Variants in AP3M1 observed in about 807,000 individuals in gnomAD.
The protein encoded by AP3M1 is AP-3 complex subunit mu-1.
Under a neutral mutation model 42.6 loss-of-function variants are expected in AP3M1, and 29 were observed. That is an observed-to-expected ratio of 0.68 (90% CI 0.51 to 0.93). AP3M1 has a LOEUF of 0.93. Among genes scored for constraint, AP3M1 ranks in the 40% least tolerant of loss-of-function variants. The pLI is 0.00. For synonymous variants in AP3M1, 178 were observed against 175.3 expected, an observed-to-expected ratio of 1.02 and a Z score of -0.12; for missense variants, 416 against 510.2, an observed-to-expected ratio of 0.82 and a Z score of 1.78.
At chr10:74,145,488 T>C (rs1841300447) in intron 1 of AP3M1, among the ~76,000 whole-genome samples, 1 of 152,222 alleles carries the variant, frequency 6.6e-6, no homozygotes. Flanking sequence ...ATGACCAAGG[T>C]CTAATGCATA....
chr10:74,147,433 ATTCT>A (rs1375958206), intron 1 of AP3M1, among the ~76,000 whole-genome samples: 1 of 152,136 alleles, frequency 6.6e-6, no homozygotes, highest in African/African-American at 2.4e-5. Flanking sequence ...ACTTTTTATT[ATTCT>A]TTCTTTTTCA....
At chr10:74,141,122 C>T (rs890761148) in intron 1 of AP3M1, among the ~76,000 whole-genome samples, 1 of 151,910 alleles carries the variant, frequency 6.6e-6, no homozygotes, top group Non-Finnish European at 1.5e-5. Context: ...TTAAAGGGAC[C>T]CCTATCCGGA....
At position 74,133,031 on chromosome 10, in the gene AP3M1, T is replaced by A. The variant is rs530577540; in HGVS notation, c.583+996A>T. ...CCTTTGGGAGGCCAAGGCAGGTGGA[T>A]CACTTGAGGTTAGGAGCTTGAGACC... On this transcript the variant is annotated intron_variant, in intron 4 of 8. Coordinates refer to ENST00000355264, the MANE Select transcript of AP3M1 (RefSeq NM_012095.6). Among the ~76,000 whole-genome samples the A allele has an allele frequency of 4.6e-4, 70 of 152,164 alleles. No individual in the cohort carries two copies. The Middle Eastern group carries it at 0.014, about 30-fold the overall frequency.
intron 1 of AP3M1, among the ~76,000 whole-genome samples, chr10:74,145,116 C>T (rs1031441870): frequency 3.3e-5 from 5 of 152,158 alleles, no homozygotes; most frequent in African/African-American, 9.7e-5. Context: ...AATCATTCAT[C>T]CTATCGAAAA....
chr10:74,134,638 C>G (rs553491673), intron 3 of AP3M1, among the ~76,000 whole-genome samples: 1 of 152,314 alleles, frequency 6.6e-6, no homozygotes, highest in South Asian at 2.1e-4. Flanking sequence ...ATTTTAAGGT[C>G]AGCATACCCA....
At chr10:74,145,214 C>G (rs1003375317) in intron 1 of AP3M1, among the ~76,000 whole-genome samples, 3 of 152,138 alleles carry the variant, frequency 2.0e-5, no homozygotes, top group Non-Finnish European at 4.4e-5. Flanking sequence ...TTTGTAGTTA[C>G]TTTATTTTAG....
intron 1 of AP3M1, among the ~76,000 whole-genome samples, chr10:74,140,156 C>T (rs1432026004): frequency 2.0e-5 from 3 of 152,282 alleles, no homozygotes; most frequent in South Asian, 2.1e-4. Flanking sequence ...GAGGAGCCCT[C>T]GGTCCCCCGG....
In AP3M1 at chr10:74,126,265, C is replaced by A. The variant is rs771507151; in HGVS notation, c.894G>T (p.Lys298Asn). ...CTTCAATAGTTTTCCCCATATTCTG[C>A]TTTGGTCCAATTGTTATATCAAATC... is the stretch of plus-strand genomic sequence containing the variant. ...CGRFDITIGPKQNMGKTIEGI... is the reference protein window; with the variant it reads ...CGRFDITIGPNQNMGKTIEGI... Residue 298 changes from lysine to asparagine, a missense_variant, in exon 7 of 9, where the codon AAG (lysine) becomes AAT (asparagine). Coordinates refer to ENST00000355264, the MANE Select transcript of AP3M1 (RefSeq NM_012095.6). 9 of 1,614,102 alleles carry A rather than the reference C, an allele frequency of 5.6e-6. No homozygotes were observed. The highest frequency in any genetic ancestry group is 2.7e-5 in the African/African-American group (2 of 74,928).
At chr10:74,126,667 G>C (rs1402785546) in intron 6 of AP3M1, among the ~76,000 whole-genome samples, 1 of 151,942 alleles carries the variant, frequency 6.6e-6, no homozygotes, top group Non-Finnish European at 1.5e-5. Flanking sequence ...GACCAGCCTG[G>C]CCAACATGAT....
intron 7 of AP3M1, among the ~76,000 whole-genome samples, chr10:74,125,287 T>G (rs1469313963): frequency 6.6e-6 from 1 of 152,262 alleles, no homozygotes; most frequent in Non-Finnish European, 1.5e-5. Flanking sequence ...CCTCTGTTTA[T>G]TTTTCTGTAA....
intron 6 of AP3M1, among the ~76,000 whole-genome samples, chr10:74,126,925 C>G (rs750820186): frequency 8.4e-6 from 1 of 118,448 alleles, no homozygotes; most frequent in African/African-American, 3.2e-5. Context: ...GAGCTGAGAT[C>G]GTGCCACTGC....
rs572183256 is a variant in AP3M1 at position 74,144,208 on chromosome 10, G to A, written c.-3-5826C>T. 2.6e-4 allele frequency among the ~76,000 whole-genome samples: 40 copies of A among 152,230 alleles called. No individual in the cohort carries two copies. The Middle Eastern group carries it at 0.01, about 39-fold the overall frequency. ...GATCTCCGGACCTCATGATCCACCCGCCTCGGCCTCCCAAAGTGCTGGGAT... is the reference window on the plus strand; with the variant it reads ...GATCTCCGGACCTCATGATCCACCCACCTCGGCCTCCCAAAGTGCTGGGAT... On this transcript the variant is annotated intron_variant, in intron 1 of 8. Transcript: ENST00000355264.
At chr10:74,129,273 G>C (rs200411548) in intron 5 of AP3M1, 32 bp from the exon 6 acceptor site, 10 of 1,608,828 alleles carry the variant, frequency 6.2e-6, no homozygotes, top group Middle Eastern at 3.3e-4. Context: ...GTCGTTCATA[G>C]ACTATAATGA....
rs57279906 is a variant in AP3M1 at position 74,149,267 on chromosome 10, G to GTT, written c.-4+1486_-4+1487dup. Among the ~76,000 whole-genome samples, 14 of 60,098 alleles carry GTT rather than the reference G, an allele frequency of 2.3e-4. 3 individuals carry two copies. Among genetic ancestry groups the GTT allele is most frequent in the Non-Finnish European group, 3.5e-4 (11 of 31,634 alleles). 39.4% of individuals were successfully genotyped at this position (60,098 alleles called of 152,430 possible). Reference sequence around the variant, plus strand: ...GAGAGCTTTCCTAAAGATACGTAAGGTTTTTTTTTTTTTTTTTTTTTTTTT... The same window carrying GTT: ...GAGAGCTTTCCTAAAGATACGTAAGGTTTTTTTTTTTTTTTTTTTTTTTTTTT... On this transcript the variant is annotated intron_variant, in intron 1 of 8. Coordinates refer to ENST00000355264, the MANE Select transcript of AP3M1 (RefSeq NM_012095.6).
intron 1 of AP3M1, among the ~76,000 whole-genome samples, chr10:74,146,225 G>A (rs994075758): frequency 1.3e-5 from 2 of 152,318 alleles, no homozygotes; most frequent in South Asian, 4.1e-4. Context: ...GGAGGGAAGA[G>A]GGGAGATGAA....
At chr10:74,144,543 A>G (rs1027300397) in intron 1 of AP3M1, among the ~76,000 whole-genome samples, 11 of 152,184 alleles carry the variant, frequency 7.2e-5, no homozygotes, top group African/African-American at 2.7e-4. Context: ...TTCTGGGATT[A>G]CAGGTGTGAG....
rs961297206 is a variant in AP3M1 at position 74,126,220 on chromosome 10, G to A, written c.939C>T (p.His313=). 1.2e-6 allele frequency: 2 copies of A among 1,614,088 alleles called. No individual in the cohort carries two copies. Among genetic ancestry groups the A allele is most frequent in the African/African-American group, 2.7e-5 (2 of 74,934 alleles). Residue 313 remains histidine (H), a synonymous_variant, in exon 7 of 9, where the codon CAC becomes CAT. Coordinates refer to ENST00000355264, the MANE Select transcript of AP3M1 (RefSeq NM_012095.6). ...TCATGTTCAGCACAACTTTTGGCAT[G>A]TGAACTGTCACTGTAATTCCTTCAA... ...KTIEGITVTV[H]MPKVVLNMNL...
intron 6 of AP3M1, among the ~76,000 whole-genome samples, chr10:74,128,095 C>T (rs988690502): frequency 8.3e-5 from 10 of 120,510 alleles, no homozygotes; most frequent in African/African-American, 1.4e-4. Flanking sequence ...AGCCAAACTC[C>T]GGCTTAAAAA....
intron 6 of AP3M1, among the ~76,000 whole-genome samples, chr10:74,126,813 A>C (rs1032871101): frequency 6.6e-6 from 1 of 151,412 alleles, no homozygotes; most frequent in Non-Finnish European, 1.5e-5. Context: ...TCTACTAAAA[A>C]TACAAAAATT....
Sources: gnomAD v4.1 joint callset for allele counts (sites outside exome capture counted in the v4.1 genomes callset) on GRCh38, gnomAD v4.1.1 for gene constraint, MANE v1.5 for transcripts, NCBI Gene and HGNC (gene_info 2026-07-23, HGNC 2026-07-21) for gene names.